The following MACROD2 variants were observed in gnomAD, a reference collection of about 807,000 sequenced individuals.
MACROD2 encodes the protein mono-ADP ribosylhydrolase 2, also known as ADP-ribose glycohydrolase MACROD2.
A neutral mutation model predicts 70.4 loss-of-function variants in MACROD2; 36 were observed. That is an observed-to-expected ratio of 0.51 (90% CI 0.39 to 0.68). The LOEUF is 0.68. MACROD2 is among the 30% of genes least tolerant of loss of function. The probability of loss-of-function intolerance (pLI) is 0.00; values close to 1 mark genes in which losing one functional copy is unlikely to be tolerated. For synonymous variants in MACROD2, 172 were observed against 178.8 expected, an observed-to-expected ratio of 0.96 and a Z score of 0.30; for missense variants, 496 against 538.4, an observed-to-expected ratio of 0.92 and a Z score of 0.78.
intron 8 of MACROD2, among the ~76,000 whole-genome samples, chr20:15,544,086 C>T (rs6074916): frequency 0.07 from 10,685 of 152,120 alleles, 569 homozygotes; most frequent in East Asian, 0.16. Flanking sequence ...GATACAGAGT[C>T]GGGGAAGAAG....
chr20:15,718,150 C>T (rs1037302932), intron 8 of MACROD2, among the ~76,000 whole-genome samples: 6 of 151,468 alleles, frequency 4.0e-5, no homozygotes, highest in South Asian at 4.2e-4. Context: ...GGATTACAGG[C>T]GCTAATTTTT....
intron 5 of MACROD2, among the ~76,000 whole-genome samples, chr20:15,194,554 T>C (rs557594212): frequency 6.6e-6 from 1 of 152,282 alleles, no homozygotes; most frequent in South Asian, 2.1e-4. Context: ...TGTTTTTTAA[T>C]CATTCCATAA....
intron 5 of MACROD2, among the ~76,000 whole-genome samples, chr20:15,019,980 A>G (rs1254343969): frequency 1.3e-5 from 2 of 152,188 alleles, no homozygotes; most frequent in Non-Finnish European, 2.9e-5. Context: ...GGATGAAATC[A>G]TTTTTGGGTG....
chr20:15,694,942 C>T (rs1360267368), intron 8 of MACROD2, among the ~76,000 whole-genome samples: 3 of 152,126 alleles, frequency 2.0e-5, no homozygotes, highest in Non-Finnish European at 1.5e-5. Context: ...AAGTGGCTAG[C>T]CAATTATCCC....
intron 5 of MACROD2, among the ~76,000 whole-genome samples, chr20:15,108,176 T>G (rs1352222617): frequency 6.6e-6 from 1 of 152,114 alleles, no homozygotes; most frequent in Non-Finnish European, 1.5e-5. Context: ...TGCTTCCTGT[T>G]TCCATCTGAT....
At chr20:15,499,602 G>A (rs945738675) in intron 7 of MACROD2, among the ~76,000 whole-genome samples, 172 bp from the exon 8 acceptor site, 1 of 152,076 alleles carries the variant, frequency 6.6e-6, no homozygotes, top group Non-Finnish European at 1.5e-5. Context: ...CCTTCTTAAT[G>A]CCTGTGTGTA....
At chr20:14,627,846 T>A (rs1045813169) in intron 4 of MACROD2, among the ~76,000 whole-genome samples, 5 of 152,126 alleles carry the variant, frequency 3.3e-5, no homozygotes, top group African/African-American at 1.2e-4. Context: ...CTCAGAAAAT[T>A]CATTCTGGAT....
At chr20:15,948,895 A>G (rs1483014700) in intron 12 of MACROD2, among the ~76,000 whole-genome samples, 1 of 152,230 alleles carries the variant, frequency 6.6e-6, no homozygotes, top group Non-Finnish European at 1.5e-5. Context: ...TGTAAACAAA[A>G]TCATCCTAGA....
intron 3 of MACROD2, among the ~76,000 whole-genome samples, chr20:14,362,161 T>C (rs1352869280): frequency 6.6e-6 from 1 of 152,314 alleles, no homozygotes; most frequent in East Asian, 1.9e-4. Flanking sequence ...ATAATGACTT[T>C]TGGTCTTCAA....
At chr20:14,089,430 T>TGTC (rs2054120388) in intron 3 of MACROD2, among the ~76,000 whole-genome samples, 1 of 152,210 alleles carries the variant, frequency 6.6e-6, no homozygotes, top group Non-Finnish European at 1.5e-5. Context: ...GCAGCCCAGT[T>TGTC]GTCACCTCCT....
chr20:14,614,801 T>C (rs1983380069), intron 4 of MACROD2, among the ~76,000 whole-genome samples: 1 of 152,120 alleles, frequency 6.6e-6, no homozygotes, highest in African/African-American at 2.4e-5. Context: ...TGCAGGCATA[T>C]ATGATTTGAA....
intron 10 of MACROD2, among the ~76,000 whole-genome samples, chr20:15,918,007 T>C (rs6080022): frequency 0.93 from 141,289 of 152,196 alleles, 66,277 homozygotes; most frequent in East Asian, 1. Flanking sequence ...ACATGAAAAC[T>C]GTGCAGAGAC....
intron 4 of MACROD2, among the ~76,000 whole-genome samples, chr20:14,531,497 GCCCTACTGACACATTGATTTT>G (rs2085303391): frequency 6.6e-6 from 1 of 152,124 alleles, no homozygotes; most frequent in South Asian, 2.1e-4. Context: ...AGGTAGTACA[GCCCTACTGACACATTGATTTT>G]GGACCTCTGG....
rs1568651937 is a variant in MACROD2 at position 15,935,060 on chromosome 20, CGT to C, written c.838+1723_838+1724del. Reference sequence around the variant, plus strand: ...ATGTACACACGCACACTCACACACACGTATGCATGCACTCACATACACATGTA... The same window carrying C: ...ATGTACACACGCACACTCACACACACATGCATGCACTCACATACACATGTA... On this transcript the variant is annotated intron_variant, in intron 11 of 17. Transcript: ENST00000684519. Among the ~76,000 whole-genome samples the C allele has an allele frequency of 5.5e-4, 83 of 152,238 alleles. 1 individual carries two copies. The highest frequency in any genetic ancestry group is 1.9e-3 in the African/African-American group (79 of 41,542).
chr20:14,505,022 G>A (rs1217273439), intron 4 of MACROD2, among the ~76,000 whole-genome samples: 1 of 152,072 alleles, frequency 6.6e-6, no homozygotes, highest in African/African-American at 2.4e-5. Context: ...GCTAAGCATT[G>A]TTTAAAAATG....
chr20:14,652,512 T>C (rs1029239957), intron 4 of MACROD2, among the ~76,000 whole-genome samples: 2 of 152,192 alleles, frequency 1.3e-5, no homozygotes, highest in Non-Finnish European at 2.9e-5. Flanking sequence ...AATAAGATAG[T>C]AACTTAACAC....
intron 10 of MACROD2, among the ~76,000 whole-genome samples, chr20:15,910,404 G>C (rs2065219263): frequency 6.6e-6 from 1 of 151,578 alleles, no homozygotes; most frequent in South Asian, 2.1e-4. Flanking sequence ...ATGTGTGTGT[G>C]TGTGTGTGTG....
At chr20:15,687,489 G>A (rs926457776) in intron 8 of MACROD2, among the ~76,000 whole-genome samples, 1 of 147,508 alleles carries the variant, frequency 6.8e-6, no homozygotes, top group Non-Finnish European at 1.5e-5. Context: ...TTTCTATTCT[G>A]ACATTGGTTG....
At chr20:14,170,297 C>T (rs1250885506) in intron 3 of MACROD2, among the ~76,000 whole-genome samples, 1 of 152,188 alleles carries the variant, frequency 6.6e-6, no homozygotes, top group Non-Finnish European at 1.5e-5. Flanking sequence ...CAAACAGCGA[C>T]AGTTTGACTA....
Sources: allele counts gnomAD v4.1 joint callset (sites outside exome capture counted in the v4.1 genomes callset), GRCh38; gene constraint gnomAD v4.1.1; transcripts MANE v1.5; gene names NCBI Gene and HGNC (gene_info 2026-07-23, HGNC 2026-07-21).